Variants in C1orf198 observed in about 807,000 individuals in gnomAD.
The protein encoded by C1orf198 is chromosome 1 open reading frame 198.
C1orf198 carries 17 observed loss-of-function variants against 31.4 expected under a neutral mutation model. That is an observed-to-expected ratio of 0.54 (90% CI 0.37 to 0.81). The LOEUF (loss-of-function observed/expected upper bound fraction) is 0.81. C1orf198 is among the 40% of genes least tolerant of loss of function. The pLI, the probability that C1orf198 is intolerant of heterozygous loss-of-function variation, is 0.00. For missense variants in C1orf198, 401 were observed against 450.3 expected (o/e 0.89, Z 0.99); for synonymous variants, 175 against 193.8 (o/e 0.90, Z 0.81).
At chr1:230,859,545 G>T (rs892792014) in intron 1 of C1orf198, among the ~76,000 whole-genome samples, 3 of 152,146 alleles carry the variant, frequency 2.0e-5, no homozygotes, top group Non-Finnish European at 4.4e-5. Flanking sequence ...TCTTTGGAGT[G>T]CAGAACAGAA....
In C1orf198 at chr1:230,857,891, T is replaced by C. The variant is rs1033968477; in HGVS notation, c.334-2173A>G. ...ACTAATGACCATGTGCACAGTAAGATGACCCCCATCCTCAGAGTGTTACAG... is the reference window on the plus strand; with the variant it reads ...ACTAATGACCATGTGCACAGTAAGACGACCCCCATCCTCAGAGTGTTACAG... On this transcript the variant is annotated intron_variant, in intron 1 of 3. Coordinates refer to ENST00000366663, the MANE Select transcript of C1orf198 (RefSeq NM_032800.3). The surrounding 1 kb of genome is among the most constrained non-coding windows in gnomAD (Gnocchi z 4.2). Among the ~76,000 whole-genome samples, 9 of 152,216 alleles carry C rather than the reference T, an allele frequency of 5.9e-5. No individual in the cohort carries two copies. Among genetic ancestry groups the C allele is most frequent in the Non-Finnish European group, 1.2e-4 (8 of 68,042 alleles).
chr1:230,859,848 T>C (rs1044956057), intron 1 of C1orf198, among the ~76,000 whole-genome samples: 2 of 151,834 alleles, frequency 1.3e-5, no homozygotes, highest in East Asian at 3.9e-4. Context: ...AATAATAACA[T>C]ATATTTTTTG....
intron 2 of C1orf198, among the ~76,000 whole-genome samples, chr1:230,853,068 C>G (rs1202567): frequency 0.25 from 38,467 of 152,072 alleles, 5,496 homozygotes; most frequent in Middle Eastern, 0.44. Context: ...CAACCAGACA[C>G]GTGAGCAAGG....
At chr1:230,854,126 TTAAC>T in intron 2 of C1orf198, among the ~76,000 whole-genome samples, 1 of 152,284 alleles carries the variant, frequency 6.6e-6, no homozygotes. Context: ...TTAGGACACT[TTAAC>T]TATTTTTTAC....
intron 3 of C1orf198, among the ~76,000 whole-genome samples, chr1:230,842,740 A>T (rs1017261190): frequency 7.7e-4 from 111 of 144,544 alleles, no homozygotes; most frequent in African/African-American, 2.9e-3. Flanking sequence ...TAAAAAATTT[A>T]AAAAATAAAA....
At chr1:230,868,107 C>T in intron 1 of C1orf198, 73 bp downstream of exon 1, 1 of 1,298,536 alleles carries the variant, frequency 7.7e-7, no homozygotes, top group Non-Finnish European at 9.8e-7. Context: ...CTCACGCCGG[C>T]AGGTGCCCAC....
At chr1:230,852,884 T>C (rs918376646) in intron 2 of C1orf198, among the ~76,000 whole-genome samples, 5 of 152,180 alleles carry the variant, frequency 3.3e-5, no homozygotes, top group African/African-American at 9.7e-5. Context: ...TGGCCCAGCT[T>C]GTGCCTTGAT....
chr1:230,859,382 G>A (rs1194127615), intron 1 of C1orf198, among the ~76,000 whole-genome samples: 4 of 152,082 alleles, frequency 2.6e-5, no homozygotes, highest in African/African-American at 9.7e-5. Context: ...CCTAGGATCT[G>A]AAATCATCTA....
chr1:230,839,383 G>T lies in C1orf198; in HGVS notation c.*469C>A, dbSNP rs370860201. The stretch of plus-strand genomic sequence containing the variant: ...AACGTCGCTGGGGGCCAGTCTTTCC[G>T]GGGTCACAGCCAGCATGCTGATGTC... On this transcript the variant is annotated 3_prime_UTR_variant, in exon 4 of 4. Transcript: ENST00000366663. 4.0e-4 allele frequency: 64 copies of T among 161,534 alleles called. 1 individual carries two copies. In the East Asian group the frequency reaches 9.6e-3, roughly 24 times the overall value. 10.0% of individuals were successfully genotyped at this position (161,534 alleles called of 1,614,324 possible). A position where few individuals can be genotyped will look rare whatever the true frequency, so the allele number is the denominator to read the frequency against.
rs1300622684 is a variant in C1orf198 at position 230,839,449 on chromosome 1, C to A, written c.*403G>T. The A allele has an allele frequency of 5.0e-6, 1 of 201,872 alleles. No individual in the cohort carries two copies. Among genetic ancestry groups the A allele is most frequent in the African/African-American group, 2.4e-5 (1 of 41,628 alleles). 12.5% of individuals were successfully genotyped at this position (201,872 alleles called of 1,614,324 possible). ...ACCCTCAATCACCCACCAAAAGGAA[C>A]CCATACGGTAAAAAGCGGAGGGGGG... On this transcript the variant is annotated 3_prime_UTR_variant, in exon 4 of 4. Transcript: ENST00000366663.
At chr1:230,844,683 T>C (rs1026869217) in intron 2 of C1orf198, among the ~76,000 whole-genome samples, 4 of 152,078 alleles carry the variant, frequency 2.6e-5, no homozygotes, top group Non-Finnish European at 5.9e-5. Flanking sequence ...ACGACCCTCA[T>C]TGGGAGGATA....
Position 230,843,368 on chromosome 1 carries a change from G to T in C1orf198, c.913C>A (p.Pro305Thr), listed in dbSNP as rs745952471. 7.1e-6 allele frequency: 11 copies of T among 1,554,954 alleles called. No individual in the cohort carries two copies. The highest frequency in any genetic ancestry group is 5.9e-5 in the South Asian group (5 of 84,450). ...AGGCCACTCACCTGTGCAAACTTGG[G>T]TTCCGAGAACAGGGTGTCTTCCCCA... ...DDGEDTLFSE[P>T]KFAQVSSSNV... is the part of the protein sequence containing the mutation. The change falls in exon 3 of 4, where the codon CCC becomes ACC. Residue 305 changes from proline to threonine, a missense_variant. By Grantham distance (38) the Pro-to-Thr change is conservative (BLOSUM62 -1). Coordinates refer to ENST00000366663, the MANE Select transcript of C1orf198 (RefSeq NM_032800.3). The surrounding 1 kb of genome is among the most constrained non-coding windows in gnomAD (Gnocchi z 4.9).
At chr1:230,849,253 C>T (rs759471592) in intron 2 of C1orf198, among the ~76,000 whole-genome samples, 5 of 152,214 alleles carry the variant, frequency 3.3e-5, no homozygotes, top group Non-Finnish European at 7.3e-5. Flanking sequence ...CCAGCCCTCT[C>T]CCACGGCACT....
chr1:230,857,334 C>T lies in C1orf198; in HGVS notation c.334-1616G>A, dbSNP rs1048730595. On this transcript the variant is annotated intron_variant, in intron 1 of 3. Coordinates refer to ENST00000366663, the MANE Select transcript of C1orf198 (RefSeq NM_032800.3). The surrounding 1 kb of genome is among the most constrained non-coding windows in gnomAD (Gnocchi z 4.2). ...CGGAAGACTCAGCGACTGCCCGTAG[C>T]GGACGCTTACTCACTCTTTGAGAAT... 6.6e-6 allele frequency among the ~76,000 whole-genome samples: 1 copy of T among 152,190 alleles called. No homozygotes were observed. The highest frequency in any genetic ancestry group is 2.4e-5 in the African/African-American group (1 of 41,450).
At chr1:230,855,126 A>C (rs951023275) in intron 2 of C1orf198, among the ~76,000 whole-genome samples, 1 of 152,244 alleles carries the variant, frequency 6.6e-6, no homozygotes, top group African/African-American at 2.4e-5. Context: ...AATGAATTAA[A>C]ATCAGTGAAG....
rs1670174516 is a variant in C1orf198, at chr1:230,868,403, C to T, written c.110G>A (p.Ser37Asn). 1 of 1,595,016 alleles carries T rather than the reference C, an allele frequency of 6.3e-7. No homozygotes were observed. Among genetic ancestry groups the T allele is most frequent in the Non-Finnish European group, 8.5e-7 (1 of 1,171,386 alleles). The change falls in exon 1 of 4, where the codon AGC (serine) becomes AAC (asparagine). Residue 37 changes from serine to asparagine, a missense_variant. Coordinates refer to ENST00000366663, the MANE Select transcript of C1orf198 (RefSeq NM_032800.3). ...RKRFTYFSSLSPMARKIMQDK... is the reference protein window; with the variant it reads ...RKRFTYFSSLNPMARKIMQDK... ...CTGCATGATCTTCCTGGCCATGGGG[C>T]TCAGCGACGAGAAGTAAGTGAAGCG...
chr1:230,860,471 G>C (rs557873763), intron 1 of C1orf198, among the ~76,000 whole-genome samples: 1 of 152,320 alleles, frequency 6.6e-6, no homozygotes, highest in South Asian at 2.1e-4. Flanking sequence ...TCCACTGACA[G>C]ATGATGAATG....
chr1:230,863,348 C>T (rs1368992441), intron 1 of C1orf198, among the ~76,000 whole-genome samples: 2 of 152,146 alleles, frequency 1.3e-5, no homozygotes, highest in African/African-American at 2.4e-5. Context: ...AAGAAATGAG[C>T]AAAATATGAC....
At chr1:230,846,436 T>C (rs965995733) in intron 2 of C1orf198, among the ~76,000 whole-genome samples, 2 of 152,268 alleles carry the variant, frequency 1.3e-5, no homozygotes, top group East Asian at 1.9e-4. Context: ...TTCTCGCCAA[T>C]GGGCAGGTGC....
Sources: allele counts gnomAD v4.1 joint callset (sites outside exome capture counted in the v4.1 genomes callset), GRCh38; gene constraint gnomAD v4.1.1; non-coding constraint Gnocchi (gnomAD v3.1); transcripts MANE v1.5; gene names NCBI Gene and HGNC (gene_info 2026-07-23, HGNC 2026-07-21).